Variants in FCRL2 observed in about 807,000 individuals in gnomAD.
The protein encoded by FCRL2 is Fc receptor-like protein 2.
Under a neutral mutation model 59.8 loss-of-function variants are expected in FCRL2, and 48 were observed. That is an observed-to-expected ratio of 0.80 (90% CI 0.64 to 1.02). FCRL2 has a LOEUF of 1.02. Among genes scored for constraint, FCRL2 ranks in the 50% least tolerant of loss-of-function variants. The pLI is 0.00. For missense variants in FCRL2, 658 were observed against 597.3 expected (o/e 1.10, Z -1.06); for synonymous variants, 251 against 229.5 (o/e 1.09, Z -0.85).
In FCRL2 at chr1:157,767,308, T is replaced by C. The variant is rs1460466111; in HGVS notation, c.1085A>G (p.His362Arg). The C allele has an allele frequency of 1.2e-6, 2 of 1,614,074 alleles. No homozygotes were observed. The highest frequency in any genetic ancestry group is 1.7e-6 in the Non-Finnish European group (2 of 1,180,024). Reference sequence around the variant, plus strand: ...GGCCTCACAGGAGTAGTTTCCAGAATGTTCTGCAGTCAAAGAGAGGTTGAA... The same window carrying C: ...GGCCTCACAGGAGTAGTTTCCAGAACGTTCTGCAGTCAAAGAGAGGTTGAA... ...ASFNLSLTAEHSGNYSCEANN... is the reference protein window; with the variant it reads ...ASFNLSLTAERSGNYSCEANN... The change falls in exon 6 of 12, where the codon CAT (histidine) becomes CGT (arginine). Residue 362 changes from histidine (H) to arginine (R), a missense_variant. His to Arg is a conservative substitution (Grantham distance 29, BLOSUM62 0). Transcript: ENST00000361516.
In FCRL2 at chr1:157,746,874, G is replaced by T. The variant is rs1647787721; in HGVS notation, c.1485C>A (p.Asn495Lys). ...AATTCCAAGGTGTCTAGCTCACCTT[G>T]TTCTCCAGAAGTGTCCTGATGTTTG... ...SSANIRTLLE[N>K]KDSQVIYSSV... The change falls in exon 11 of 12, where the codon AAC becomes AAA. Residue 495 changes from asparagine (N) to lysine (K), a missense_variant. Physicochemically the swap from Asn to Lys is moderately conservative, Grantham distance 94. Coordinates refer to ENST00000361516, the MANE Select transcript of FCRL2 (RefSeq NM_030764.4). The T allele has an allele frequency of 1.9e-6, 3 of 1,614,034 alleles. No individual in the cohort carries two copies. The highest frequency in any genetic ancestry group is 2.5e-6 in the Non-Finnish European group (3 of 1,180,014).
At chr1:157,750,811 T>G (rs575457425) in intron 7 of FCRL2, among the ~76,000 whole-genome samples, 415 of 152,338 alleles carry the variant, frequency 2.7e-3, no homozygotes, top group Non-Finnish European at 5.1e-3. Flanking sequence ...CAGCAATTCC[T>G]TCTTGAAGAA....
chr1:157,767,759 C>G, intron 5 of FCRL2: 1 of 1,371,202 alleles, frequency 7.3e-7, no homozygotes. Context: ...TTTCCTGTGC[C>G]CATCCAGCCC....
chr1:157,749,331 T>C (rs923940079), intron 8 of FCRL2, among the ~76,000 whole-genome samples: 65 of 152,192 alleles, frequency 4.3e-4, no homozygotes, highest in African/African-American at 1.5e-3. Flanking sequence ...ATTTTGTGTG[T>C]ATGTTCTTTC....
intron 7 of FCRL2, among the ~76,000 whole-genome samples, chr1:157,752,540 G>C (rs1404279700): frequency 6.6e-6 from 1 of 152,210 alleles, no homozygotes; most frequent in Non-Finnish European, 1.5e-5. Flanking sequence ...TAGACTATGG[G>C]CCTGCCTGCG....
Position 157,746,387 on chromosome 1 carries a change from C to T in FCRL2, c.*349G>A. The T allele has an allele frequency of 4.0e-6, 1 of 250,190 alleles. No homozygotes were observed. The highest frequency in any genetic ancestry group is 7.6e-6 in the Non-Finnish European group (1 of 130,842). The allele number at this position is 250,190 out of a possible 1,614,324, so 15.5% of individuals were successfully genotyped here. On this transcript the variant is annotated 3_prime_UTR_variant, in exon 12 of 12. Transcript: ENST00000361516. ...CCAGCAGCACATAAATAAGTTAATA[C>T]ACCACTATCAAGTCCTGTTCTCATC...
intron 7 of FCRL2, among the ~76,000 whole-genome samples, chr1:157,765,065 C>G (rs894734700): frequency 2.6e-5 from 4 of 152,134 alleles, no homozygotes; most frequent in African/African-American, 9.7e-5. Context: ...AATTGATAAA[C>G]TGCTAGCTAG....
intron 7 of FCRL2, among the ~76,000 whole-genome samples, chr1:157,760,762 GAATGAAA>G (rs376028726): frequency 0.013 from 1,888 of 142,996 alleles, 54 homozygotes; most frequent in African/African-American, 0.046. Context: ...AAAGAAGAAA[GAATGAAA>G]AAAGAAAGGA....
Position 157,768,666 on chromosome 1 carries a change from C to A in FCRL2, c.631G>T (p.Ala211Ser). The change falls in exon 5 of 12, where the codon GCC (alanine) becomes TCC (serine). Residue 211 changes from alanine to serine, a missense_variant. By Grantham distance (99) the Ala-to-Ser change is moderately conservative. Coordinates refer to ENST00000361516, the MANE Select transcript of FCRL2 (RefSeq NM_030764.4). The stretch of plus-strand genomic sequence containing the variant: ...CCTTCAGTCACCTGTCCCCCGGGGG[C>A]CCGGATCTCCAAGCTTACATTAGAG... Reference protein sequence around the residue: ...PISNVSLEIRAPGGQVTEGQK... With the variant: ...PISNVSLEIRSPGGQVTEGQK... 11 of 1,613,534 alleles carry A rather than the reference C, an allele frequency of 6.8e-6. No homozygotes were observed. The highest frequency in any genetic ancestry group is 9.3e-6 in the Non-Finnish European group (11 of 1,179,674).
chr1:157,760,106 G>C (rs529004496), intron 7 of FCRL2, among the ~76,000 whole-genome samples: 23 of 152,288 alleles, frequency 1.5e-4, no homozygotes, highest in African/African-American at 5.3e-4. Flanking sequence ...GGAATACTAT[G>C]CAGCTATAAA....
chr1:157,759,438 A>C (rs1436196267), intron 7 of FCRL2, among the ~76,000 whole-genome samples: 2 of 152,240 alleles, frequency 1.3e-5, no homozygotes, highest in African/African-American at 4.8e-5. Context: ...AAAACAAAAA[A>C]TTGACAAATG....
chr1:157,768,542 GT>G lies in FCRL2; in HGVS notation c.754del (p.Thr252ProfsTer14), dbSNP rs758313621. 2.5e-6 allele frequency: 4 copies of G among 1,614,186 alleles called. No homozygotes were observed. Among genetic ancestry groups the G allele is most frequent in the Non-Finnish European group, 8.5e-7 (1 of 1,180,024 alleles). Reference sequence around the variant, plus strand: ...CAGCTCTGCTGACAGGGAACGCTGGGTTTTCTTTCCCATACTGGTTCCTGTG... The same window carrying G: ...CAGCTCTGCTGACAGGGAACGCTGGGTTTCTTTCCCATACTGGTTCCTGTG... ...EATGTSMGKK[T>X]QRSLSAELEI... On this transcript the variant is annotated frameshift_variant, in exon 5 of 12. Coordinates refer to ENST00000361516, the MANE Select transcript of FCRL2 (RefSeq NM_030764.4). LOFTEE classifies it high-confidence loss of function.
chr1:157,751,717 G>T (rs1016399489), intron 7 of FCRL2, among the ~76,000 whole-genome samples: 3 of 152,192 alleles, frequency 2.0e-5, no homozygotes, highest in Admixed American at 2.0e-4. Context: ...CAAAATAAGG[G>T]TGGAGGGGAA....
intron 7 of FCRL2, among the ~76,000 whole-genome samples, chr1:157,757,642 C>T (rs915026552): frequency 5.3e-4 from 80 of 152,342 alleles, no homozygotes; most frequent in African/African-American, 1.9e-3. Context: ...TAACCTTAAA[C>T]TTCCCAGCCT....
Position 157,767,389 on chromosome 1 carries a change from T to A in FCRL2, c.1004A>T (p.Tyr335Phe), listed in dbSNP as rs764330110. The change falls in exon 6 of 12, where the codon TAT (tyrosine) becomes TTT (phenylalanine). Residue 335 changes from tyrosine (Y) to phenylalanine (F), a missense_variant. Transcript: ENST00000361516. ...GTTCCCAAGGGTGACATCCTCATGATAAAATTGGTACAAGATTGGGGGAGA... is the reference window on the plus strand; with the variant it reads ...GTTCCCAAGGGTGACATCCTCATGAAAAAATTGGTACAAGATTGGGGGAGA... ...RGSPPILYQF[Y>F]HEDVTLGNSS... is the part of the protein sequence containing the mutation. The A allele has an allele frequency of 1.4e-5, 22 of 1,614,054 alleles. No individual in the cohort carries two copies. Among genetic ancestry groups the A allele is most frequent in the Admixed American group, 1.3e-4 (8 of 60,006 alleles).
intron 10 of FCRL2, among the ~76,000 whole-genome samples, chr1:157,747,887 G>A (rs1041408730): frequency 9.9e-5 from 15 of 152,168 alleles, no homozygotes; most frequent in Non-Finnish European, 2.1e-4. Context: ...TAATGACCCT[G>A]TTCACCTGAG....
chr1:157,754,837 A>C (rs189197943), intron 7 of FCRL2, among the ~76,000 whole-genome samples: 12 of 152,104 alleles, frequency 7.9e-5, no homozygotes, highest in Admixed American at 5.2e-4. Flanking sequence ...ACGGCGGTGC[A>C]TGCCTGTGGT....
intron 3 of FCRL2, 64 bp from the exon 4 acceptor site, chr1:157,770,214 CT>C: frequency 6.3e-7 from 1 of 1,576,282 alleles, no homozygotes; most frequent in Non-Finnish European, 8.6e-7. Context: ...TGAAAAGCCT[CT>C]GGCAAGAAGC....
chr1:157,755,619 A>G (rs1648528802), intron 7 of FCRL2, among the ~76,000 whole-genome samples: 1 of 152,276 alleles, frequency 6.6e-6, no homozygotes. Flanking sequence ...CTAAATCTCC[A>G]TCAATAGGTA....
Sources: gnomAD v4.1 joint callset for allele counts (sites outside exome capture counted in the v4.1 genomes callset) on GRCh38, gnomAD v4.1.1 for gene constraint, MANE v1.5 for transcripts, NCBI Gene and HGNC (gene_info 2026-07-23, HGNC 2026-07-21) for gene names.